The following NFIA variants were observed in gnomAD, a reference collection of about 807,000 sequenced individuals.
NFIA encodes the protein nuclear factor 1 A-type.
In NFIA, 8 loss-of-function variants were observed where a neutral mutation model predicts 62.8. The observed-to-expected ratio is 0.13, with a 90% CI of 0.07 to 0.23. The LOEUF (loss-of-function observed/expected upper bound fraction) is 0.23. Among genes scored for constraint, NFIA ranks in the 10% least tolerant of loss-of-function variants. The probability of loss-of-function intolerance (pLI) is 1.00; values close to 1 mark genes in which losing one functional copy is unlikely to be tolerated. For missense variants in NFIA, 410 were observed against 642.1 expected (o/e 0.64, Z 3.91); for synonymous variants, 235 against 238.1 (o/e 0.99, Z 0.12).
chr1:61,170,326 C>T (rs1351662083), intron 2 of NFIA, among the ~76,000 whole-genome samples: 1 of 152,216 alleles, frequency 6.6e-6, no homozygotes, highest in Admixed American at 6.5e-5. Flanking sequence ...CTCTGATCCA[C>T]AGCATTTTCT....
chr1:61,077,626 A>G (rs939961190), upstream of NFIA: 1 of 1,429,878 alleles, frequency 7.0e-7, no homozygotes, highest in Admixed American at 2.4e-5. Flanking sequence ...TTACATTGCA[A>G]TGGTACGTGG....
chr1:61,201,178 C>T (rs575503627), intron 2 of NFIA, among the ~76,000 whole-genome samples: 21 of 152,154 alleles, frequency 1.4e-4, no homozygotes, highest in South Asian at 6.2e-4. Flanking sequence ...ACCCTGATAG[C>T]GTAAAGAATC....
At chr1:61,100,280 C>T (rs369363971) in intron 2 of NFIA, among the ~76,000 whole-genome samples, 23 of 152,174 alleles carry the variant, frequency 1.5e-4, no homozygotes, top group African/African-American at 5.1e-4. Context: ...AGTTGTAGAC[C>T]GTTATCATTT....
At chr1:61,147,014 G>GGT (rs1648060233) in intron 2 of NFIA, among the ~76,000 whole-genome samples, 2 of 152,100 alleles carry the variant, frequency 1.3e-5, no homozygotes, top group African/African-American at 4.8e-5. Context: ...TGAATCTTAC[G>GGT]GATGGCTCTT....
intron 2 of NFIA, among the ~76,000 whole-genome samples, chr1:61,213,530 C>T (rs181767714): frequency 3.9e-5 from 6 of 152,292 alleles, no homozygotes; most frequent in African/African-American, 7.2e-5. Context: ...GGCACATGGA[C>T]GTGGTTTCCC....
chr1:61,248,811 C>T (rs1436129349), intron 2 of NFIA: 1 of 152,226 alleles, frequency 6.6e-6, no homozygotes, highest in Non-Finnish European at 1.5e-5. Context: ...CCCAATTCCA[C>T]ATAACGCCTA....
At position 61,177,969 on chromosome 1, in the gene NFIA, C is replaced by A. The variant is rs549039950; in HGVS notation, c.559+89289C>A. 9.9e-5 allele frequency among the ~76,000 whole-genome samples: 15 copies of A among 152,158 alleles called. 1 individual carries two copies. The highest frequency in any genetic ancestry group is 2.1e-4 in the Non-Finnish European group (14 of 68,036). On this transcript the variant is annotated intron_variant, in intron 2 of 10. Transcript: ENST00000403491. ...ACAGTAAATCAGCTCTTTCAAGGCA[C>A]CATTCATCTCCCTTCGAGCGCATGA...
In NFIA at chr1:61,148,454, C is replaced by T. The variant is rs563705044; in HGVS notation, c.559+59774C>T. 2.4e-4 allele frequency among the ~76,000 whole-genome samples: 36 copies of T among 152,190 alleles called. No homozygotes were observed. The South Asian group carries it at 6.0e-3, about 25-fold the overall frequency. The stretch of plus-strand genomic sequence containing the variant: ...TTATGACTTAGCACCTTCTAGAAGA[C>T]GTTTTAGGAGGCATCATAGTGGGTA... On this transcript the variant is annotated intron_variant, in intron 2 of 10. Transcript: ENST00000403491.
intron 2 of NFIA, chr1:61,253,512 C>G (rs1656178747): frequency 6.6e-6 from 1 of 152,294 alleles, no homozygotes; most frequent in Non-Finnish European, 1.5e-5. Flanking sequence ...TTGAGCTTCT[C>G]ATGGCCCCTC....
intron 10 of NFIA, among the ~76,000 whole-genome samples, chr1:61,443,121 C>T (rs753455715): frequency 4.2e-4 from 64 of 152,108 alleles, no homozygotes; most frequent in Non-Finnish European, 8.2e-4. Context: ...CTAGCATGCT[C>T]GTGCTATTAT....
At chr1:61,316,863 T>G (rs1392931762) in intron 3 of NFIA, among the ~76,000 whole-genome samples, 1 of 152,190 alleles carries the variant, frequency 6.6e-6, no homozygotes, top group Admixed American at 6.5e-5. Context: ...TAATGATGCT[T>G]TCTGATGATT....
In NFIA at chr1:61,139,878, CAAAAAAA is replaced by C. The variant is rs35520094; in HGVS notation, c.559+51216_559+51222del. Among the ~76,000 whole-genome samples the C allele has an allele frequency of 9.7e-4, 72 of 74,120 alleles. 2 individuals are homozygous for C. The highest frequency in any genetic ancestry group is 1.6e-3 in the Non-Finnish European group (57 of 36,056). The allele number at this position is 74,120 out of a possible 152,430, so 48.6% of individuals were successfully genotyped here. ...TGTTTTCTATACTTAGGGAATTTAC[CAAAAAAA>C]AAAAAAAAAAAAAAAAAGTTGGTAT... On this transcript the variant is annotated intron_variant, in intron 2 of 10. Transcript: ENST00000403491.
chr1:61,185,548 A>G (rs1651109337), intron 2 of NFIA, among the ~76,000 whole-genome samples: 1 of 152,032 alleles, frequency 6.6e-6, no homozygotes, highest in Non-Finnish European at 1.5e-5. Context: ...TTTCTTATGC[A>G]TCTAGAATAA....
chr1:61,186,598 A>G (rs185632008), intron 2 of NFIA, among the ~76,000 whole-genome samples: 1 of 152,352 alleles, frequency 6.6e-6, no homozygotes, highest in East Asian at 1.9e-4. Flanking sequence ...GAATTATAAA[A>G]GAGGGAGCAA....
chr1:61,126,474 A>ACACACACACT (rs1339928745), intron 2 of NFIA, among the ~76,000 whole-genome samples: 1 of 143,070 alleles, frequency 7.0e-6, no homozygotes, highest in African/African-American at 2.7e-5. Context: ...ACACACACAC[A>ACACACACACT]CTCACAGAAA....
chr1:61,175,629 C>T (rs904868589), intron 2 of NFIA, among the ~76,000 whole-genome samples: 2 of 152,190 alleles, frequency 1.3e-5, no homozygotes, highest in African/African-American at 4.8e-5. Context: ...TGAACCTACA[C>T]TATAGGAAGC....
chr1:61,091,962 C>A (rs1208846844), intron 2 of NFIA, among the ~76,000 whole-genome samples: 1 of 151,830 alleles, frequency 6.6e-6, no homozygotes, highest in Non-Finnish European at 1.5e-5. Context: ...TTTAAGGACT[C>A]ATTTCTTGGA....
chr1:61,096,855 G>A (rs1646425252), intron 2 of NFIA, among the ~76,000 whole-genome samples: 1 of 151,940 alleles, frequency 6.6e-6, no homozygotes, highest in Non-Finnish European at 1.5e-5. Context: ...CTGGCGACAA[G>A]ATTAGTTCTT....
chr1:61,406,665 T>A lies in NFIA; in HGVS notation c.1358T>A (p.Val453Glu). The change falls in exon 9 of 11, where the codon GTG becomes GAG. Residue 453 changes from valine to glutamate, a missense_variant. Around this residue, in one of 3 missense-constraint regions of NFIA, gnomAD observed 298 missense variants for 438.1 expected, o/e 0.68. Transcript: ENST00000403491. ...ATGGCCAGGCCTGTGCCTCTGCCGG[T>A]GCCAGACACAAAGCCTCCAACCACG... ...PPMARPVPLP[V>E]PDTKPPTTST... is the part of the protein sequence containing the mutation. The A allele has an allele frequency of 6.2e-7, 1 of 1,606,312 alleles. No homozygotes were observed. Among genetic ancestry groups the A allele is most frequent in the Non-Finnish European group, 8.5e-7 (1 of 1,176,042 alleles).
Sources: allele counts gnomAD v4.1 joint callset (sites outside exome capture counted in the v4.1 genomes callset), GRCh38; gene constraint gnomAD v4.1.1; regional missense constraint gnomAD v4.1.1; transcripts MANE v1.5; gene names NCBI Gene and HGNC (gene_info 2026-07-23, HGNC 2026-07-21).